Variants in FHOD3 observed in about 807,000 individuals in gnomAD.
FHOD3 encodes FH1/FH2 domain-containing protein 3.
Under a neutral mutation model 173.0 loss-of-function variants are expected in FHOD3, and 90 were observed. That is an observed-to-expected ratio of 0.52 (90% CI 0.44 to 0.62). FHOD3 has a LOEUF of 0.62. FHOD3 is among the 20% of genes least tolerant of loss of function. The probability of loss-of-function intolerance (pLI) is 0.00; values close to 1 mark genes in which losing one functional copy is unlikely to be tolerated. For synonymous variants in FHOD3, 828 were observed against 823.0 expected (o/e 1.01, Z -0.10); for missense variants, 1,945 against 2,034.7 (o/e 0.96, Z 0.85).
At chr18:36,638,454 G>T (rs900184074) in intron 10 of FHOD3, among the ~76,000 whole-genome samples, 1 of 152,194 alleles carries the variant, frequency 6.6e-6, no homozygotes, top group African/African-American at 2.4e-5. Flanking sequence ...TTATTAGTCA[G>T]CATGTGAGGC....
chr18:36,652,074 A>C (rs2149107823), intron 11 of FHOD3, among the ~76,000 whole-genome samples: 1 of 152,244 alleles, frequency 6.6e-6, no homozygotes, highest in South Asian at 2.1e-4. Context: ...CTGCTGTCAC[A>C]AAAGGTTCTG....
At chr18:36,563,661 G>A (rs551334776) in intron 5 of FHOD3, among the ~76,000 whole-genome samples, 6 of 152,300 alleles carry the variant, frequency 3.9e-5, no homozygotes, top group East Asian at 3.9e-4. Context: ...CAGCTTCTCC[G>A]TGGGTTTAAG....
intron 5 of FHOD3, among the ~76,000 whole-genome samples, chr18:36,553,110 A>C (rs1285063083): frequency 6.6e-6 from 1 of 152,062 alleles, no homozygotes; most frequent in Non-Finnish European, 1.5e-5. Context: ...TATTTATATG[A>C]TGGATTACAT....
intron 2 of FHOD3, 89 bp from the exon 3 acceptor site, chr18:36,372,591 G>T (rs745694719): frequency 2.9e-6 from 3 of 1,026,432 alleles, no homozygotes; most frequent in Non-Finnish European, 4.5e-6. Flanking sequence ...ACTTAAGTGG[G>T]TATGTCAGAA....
At chr18:36,410,784 T>G (rs1306379993) in intron 3 of FHOD3, among the ~76,000 whole-genome samples, 1 of 152,230 alleles carries the variant, frequency 6.6e-6, no homozygotes, top group Non-Finnish European at 1.5e-5. Flanking sequence ...ATGTGCCTAT[T>G]GGGCATTTGT....
intron 10 of FHOD3, among the ~76,000 whole-genome samples, chr18:36,631,291 T>C (rs921005911): frequency 1.3e-5 from 2 of 152,154 alleles, no homozygotes; most frequent in African/African-American, 4.8e-5. Flanking sequence ...GGGCATAGGA[T>C]GTGGAGGTAT....
chr18:36,747,886 C>G (rs1448578374), intron 24 of FHOD3, among the ~76,000 whole-genome samples: 1 of 152,222 alleles, frequency 6.6e-6, no homozygotes, highest in Admixed American at 6.5e-5. Context: ...GAGGGACCCT[C>G]ACCCATTCTT....
At chr18:36,563,628 A>G (rs1284017212) in intron 5 of FHOD3, among the ~76,000 whole-genome samples, 1 of 152,212 alleles carries the variant, frequency 6.6e-6, no homozygotes, top group Non-Finnish European at 1.5e-5. Flanking sequence ...GGAAGTAAGA[A>G]ATGGTGGAGA....
At chr18:36,602,900 G>A (rs1568481720) in intron 8 of FHOD3, 132 bp downstream of exon 8, 1 of 694,996 alleles carries the variant, frequency 1.4e-6, no homozygotes, top group South Asian at 1.7e-5. Flanking sequence ...TGTGAGGGTG[G>A]GCTCTGATGC....
chr18:36,367,605 C>A (rs2046962013), intron 2 of FHOD3, among the ~76,000 whole-genome samples: 1 of 152,150 alleles, frequency 6.6e-6, no homozygotes, highest in Admixed American at 6.5e-5. Flanking sequence ...AAGGTGCTTA[C>A]AGTAAATACA....
rs780883419 is a variant in FHOD3 at position 36,709,330 on chromosome 18, C to T, written c.2472C>T (p.Ser824=). The change falls in exon 18 of 29, where the codon TCC becomes TCT. Residue 824 remains serine (S), a synonymous_variant. Coordinates refer to ENST00000590592, the MANE Select transcript of FHOD3 (RefSeq NM_001281740.3). ...RDNCSASSVS[S]SSSTLEREEK... The stretch of plus-strand genomic sequence containing the variant: ...ACTGCTCTGCCTCCAGCGTCTCGTC[C>T]TCCAGCAGCACGTTGGAGAGGGAGG... The T allele has an allele frequency of 6.2e-7, 1 of 1,614,266 alleles. No homozygotes were observed. The highest frequency in any genetic ancestry group is 1.1e-5 in the South Asian group (1 of 91,090).
At chr18:36,648,075 A>T (rs776748576) in intron 10 of FHOD3, among the ~76,000 whole-genome samples, 3 of 152,236 alleles carry the variant, frequency 2.0e-5, no homozygotes, top group African/African-American at 7.2e-5. Flanking sequence ...GGAGTGAGAC[A>T]TGGTGGATCC....
intron 5 of FHOD3, among the ~76,000 whole-genome samples, chr18:36,527,563 G>A (rs1034958887): frequency 6.6e-6 from 1 of 152,192 alleles, no homozygotes; most frequent in Non-Finnish European, 1.5e-5. Context: ...GACAGCAGGT[G>A]TGGTGGGCAC....
intron 6 of FHOD3, among the ~76,000 whole-genome samples, chr18:36,578,337 A>T (rs1004012752): frequency 6.6e-6 from 1 of 152,158 alleles, no homozygotes; most frequent in African/African-American, 2.4e-5. Context: ...CCCTTTATAA[A>T]ACCATCAGAT....
At chr18:36,318,319 TACA>T (rs1457627080) in intron 1 of FHOD3, among the ~76,000 whole-genome samples, 1 of 152,232 alleles carries the variant, frequency 6.6e-6, no homozygotes. Flanking sequence ...CTTTGGGCAG[TACA>T]ACCATTTTCA....
At chr18:36,446,117 A>G (rs188315186) in intron 3 of FHOD3, among the ~76,000 whole-genome samples, 2 of 152,306 alleles carry the variant, frequency 1.3e-5, no homozygotes, top group East Asian at 1.9e-4. Context: ...ATAGTCCACA[A>G]TTAATTGTGC....
At chr18:36,494,692 T>A (rs912104415) in intron 3 of FHOD3, among the ~76,000 whole-genome samples, 6 of 152,206 alleles carry the variant, frequency 3.9e-5, no homozygotes, top group Non-Finnish European at 7.4e-5. Flanking sequence ...GCCTTAGCTC[T>A]CATTGGCTGC....
intron 10 of FHOD3, among the ~76,000 whole-genome samples, chr18:36,637,260 A>G (rs1157862007): frequency 7.2e-5 from 11 of 152,216 alleles, no homozygotes; most frequent in Non-Finnish European, 2.9e-5. Flanking sequence ...GAACAAAATC[A>G]TATTCATTTG....
intron 5 of FHOD3, among the ~76,000 whole-genome samples, chr18:36,552,121 A>G (rs1426912076): frequency 6.6e-6 from 1 of 152,124 alleles, no homozygotes; most frequent in Admixed American, 6.5e-5. Flanking sequence ...GATTCTTCCT[A>G]TCCATGAGCA....
Sources: gnomAD v4.1 joint callset for allele counts (sites outside exome capture counted in the v4.1 genomes callset) on GRCh38, gnomAD v4.1.1 for gene constraint, MANE v1.5 for transcripts, NCBI Gene and HGNC (gene_info 2026-07-23, HGNC 2026-07-21) for gene names.